MARCHF1: variants seen among roughly 807,000 people sequenced by gnomAD.
MARCHF1 encodes the protein membrane associated ring-CH-type finger 1.
Under a neutral mutation model 54.2 loss-of-function variants are expected in MARCHF1, and 40 were observed. That is an observed-to-expected ratio of 0.74 (90% CI 0.57 to 0.96). MARCHF1 has a LOEUF of 0.96. MARCHF1 is among the 40% of genes least tolerant of loss of function. The probability of loss-of-function intolerance (pLI) is 0.00; values close to 1 mark genes in which losing one functional copy is unlikely to be tolerated. For missense variants in MARCHF1, 586 were observed against 656.5 expected (o/e 0.89, Z 1.17); for synonymous variants, 236 against 236.3 (o/e 1.00, Z 0.01).
At chr4:163,945,892 C>T (rs1230508144) in intron 3 of MARCHF1, among the ~76,000 whole-genome samples, 1 of 152,050 alleles carries the variant, frequency 6.6e-6, no homozygotes, top group African/African-American at 2.4e-5. Context: ...AACCGAGTCA[C>T]CCTTCTAATG....
At chr4:164,302,123 C>T (rs11736140) in intron 1 of MARCHF1, among the ~76,000 whole-genome samples, 44,373 of 151,992 alleles carry the variant, frequency 0.29, 7,460 homozygotes, top group African/African-American at 0.44. Context: ...AAAGTAGTGA[C>T]GGAAAATCCA....
chr4:164,284,931 A>G (rs1267805661), intron 1 of MARCHF1, among the ~76,000 whole-genome samples: 2 of 151,076 alleles, frequency 1.3e-5, no homozygotes, highest in Non-Finnish European at 2.9e-5. Context: ...CAGCTAAAGT[A>G]CACATGCCTT....
At chr4:163,659,389 T>C (rs547372876) in intron 5 of MARCHF1, among the ~76,000 whole-genome samples, 1 of 152,146 alleles carries the variant, frequency 6.6e-6, no homozygotes, top group South Asian at 2.1e-4. Flanking sequence ...TTACACCTTA[T>C]ACAAAAATTA....
chr4:164,179,048 G>A (rs916320561), intron 1 of MARCHF1, among the ~76,000 whole-genome samples: 1 of 152,122 alleles, frequency 6.6e-6, no homozygotes, highest in Non-Finnish European at 1.5e-5. Context: ...GTGTTGGCGG[G>A]CAGTGTGGTT....
rs568828471 is a variant in MARCHF1, at chr4:164,351,067, C to T, written c.-323+32803G>A. ...GCGCTTTTCAGACCAGCTTAAAAAA[C>T]GGCGCACCACAAGATTATATCCCTC... On this transcript the variant is annotated intron_variant, in intron 1 of 9. Transcript: ENST00000514618. 6.6e-5 allele frequency among the ~76,000 whole-genome samples: 10 copies of T among 152,322 alleles called. No homozygotes were observed. The East Asian group carries it at 7.7e-4, about 12-fold the overall frequency.
chr4:164,162,285 A>T (rs1730258399), intron 1 of MARCHF1, among the ~76,000 whole-genome samples: 1 of 152,150 alleles, frequency 6.6e-6, no homozygotes, highest in Admixed American at 6.6e-5. Flanking sequence ...GAAATTCTGA[A>T]CTGGAAGATA....
intron 1 of MARCHF1, among the ~76,000 whole-genome samples, chr4:164,340,688 G>A (rs1415996703): frequency 6.6e-6 from 1 of 151,596 alleles, no homozygotes; most frequent in Admixed American, 6.6e-5. Flanking sequence ...CTTTCAAAGT[G>A]CTGGCATTAC....
chr4:163,909,122 T>C (rs1751134177), intron 3 of MARCHF1, among the ~76,000 whole-genome samples: 1 of 152,230 alleles, frequency 6.6e-6, no homozygotes, highest in Admixed American at 6.5e-5. Flanking sequence ...ATGTGTTAAT[T>C]GATACACTGG....
At chr4:164,185,861 G>A (rs1311352622) in intron 1 of MARCHF1, among the ~76,000 whole-genome samples, 1 of 151,728 alleles carries the variant, frequency 6.6e-6, no homozygotes, top group Non-Finnish European at 1.5e-5. Context: ...AAGAGTCTAT[G>A]ATTTTATTGA....
intron 7 of MARCHF1, among the ~76,000 whole-genome samples, chr4:163,586,655 G>A (rs958166812): frequency 6.6e-6 from 1 of 152,116 alleles, no homozygotes; most frequent in Non-Finnish European, 1.5e-5. Flanking sequence ...ATCGTGCTAT[G>A]TCCCCAATTT....
intron 1 of MARCHF1, among the ~76,000 whole-genome samples, chr4:164,251,840 A>G (rs1297520367): frequency 6.6e-6 from 1 of 152,220 alleles, no homozygotes; most frequent in Non-Finnish European, 1.5e-5. Flanking sequence ...ATAACTGACA[A>G]TTCAAATTTA....
chr4:163,562,157 C>T (rs1321853401), intron 8 of MARCHF1, among the ~76,000 whole-genome samples: 7 of 151,970 alleles, frequency 4.6e-5, no homozygotes, highest in Admixed American at 2.0e-4. Flanking sequence ...ATTAGCCAGG[C>T]GTGGTGGCCC....
At chr4:163,957,708 A>G (rs559912141) in intron 3 of MARCHF1, among the ~76,000 whole-genome samples, 2 of 152,036 alleles carry the variant, frequency 1.3e-5, no homozygotes, top group Non-Finnish European at 2.9e-5. Flanking sequence ...CGCCAAAAAA[A>G]TTTAAGTCAT....
intron 2 of MARCHF1, among the ~76,000 whole-genome samples, chr4:164,032,572 A>AT (rs1753901204): frequency 2.6e-5 from 4 of 151,968 alleles, no homozygotes; most frequent in African/African-American, 4.8e-5. Flanking sequence ...CTTGATTTCT[A>AT]CCTTAATTTC....
At chr4:164,072,534 C>G (rs1754890130) in intron 2 of MARCHF1, among the ~76,000 whole-genome samples, 1 of 151,856 alleles carries the variant, frequency 6.6e-6, no homozygotes, top group South Asian at 2.1e-4. Flanking sequence ...ACACGCCAGC[C>G]TAGGCGACAG....
At chr4:164,044,737 T>C (rs988845944) in intron 2 of MARCHF1, among the ~76,000 whole-genome samples, 2 of 152,106 alleles carry the variant, frequency 1.3e-5, no homozygotes, top group African/African-American at 4.8e-5. Flanking sequence ...AGTGTTTATA[T>C]ATATGTGTGG....
chr4:164,256,905 A>G (rs13109568), intron 1 of MARCHF1, among the ~76,000 whole-genome samples: 17,752 of 152,158 alleles, frequency 0.12, 1,622 homozygotes, highest in African/African-American at 0.25. Context: ...AGAGTACTTT[A>G]TTTAAAAAGG....
chr4:164,150,074 C>A (rs963820021), intron 1 of MARCHF1, among the ~76,000 whole-genome samples: 1 of 152,070 alleles, frequency 6.6e-6, no homozygotes, highest in African/African-American at 2.4e-5. Context: ...CTGCCAAAAA[C>A]AGCATAAAAT....
intron 4 of MARCHF1, among the ~76,000 whole-genome samples, chr4:163,711,241 T>C (rs530844905): frequency 1.1e-3 from 175 of 152,188 alleles, no homozygotes; most frequent in Non-Finnish European, 2.3e-3. Flanking sequence ...GAAAGACCCA[T>C]TGCTTATTAA....
Sources: gnomAD v4.1 joint callset for allele counts (sites outside exome capture counted in the v4.1 genomes callset) on GRCh38, gnomAD v4.1.1 for gene constraint, MANE v1.5 for transcripts, NCBI Gene and HGNC (gene_info 2026-07-23, HGNC 2026-07-21) for gene names.